TENM2: variants seen among roughly 807,000 people sequenced by gnomAD.
The protein encoded by TENM2 is teneurin-2.
Under a neutral mutation model 245.2 loss-of-function variants are expected in TENM2, and 52 were observed. The observed-to-expected ratio is 0.21, with a 90% CI of 0.17 to 0.27. The LOEUF (loss-of-function observed/expected upper bound fraction) is 0.27. Ranked by LOEUF, TENM2 falls within the 10% of genes least tolerant of loss-of-function variation. The pLI is 1.00. For missense variants in TENM2, 3,046 were observed against 3,666.8 expected (o/e 0.83, Z 4.37); for synonymous variants, 1,363 against 1,438.9 (o/e 0.95, Z 1.19).
chr5:167,239,793 A>G, the TENM2 span, among the ~76,000 whole-genome samples: 2 of 152,200 alleles, frequency 1.3e-5, no homozygotes, highest in Non-Finnish European at 2.9e-5. Flanking sequence ...TTATTTTGAG[A>G]TGGAGTTTTG....
chr5:167,649,778 C>T (rs1754321259), intron 2 of TENM2, among the ~76,000 whole-genome samples: 2 of 152,112 alleles, frequency 1.3e-5, no homozygotes, highest in Admixed American at 6.6e-5. Flanking sequence ...TATATTTGAT[C>T]CTCTTATATG....
chr5:167,321,876 TCAGATCTCGGTTG>T lies in TENM2; in HGVS notation c.226+36824_226+36836del, dbSNP rs1377983773. Among the ~76,000 whole-genome samples the T allele has an allele frequency of 2.5e-4, 33 of 132,892 alleles. 2 individuals are homozygous for T. The East Asian group carries it at 8.2e-3, about 33-fold the overall frequency. The allele number at this position is 132,892 out of a possible 152,430, so 87.2% of individuals were successfully genotyped here. A position where few individuals can be genotyped will look rare whatever the true frequency, so the allele number is the denominator to read the frequency against. On this transcript the variant is annotated intron_variant, in intron 1 of 28. Coordinates refer to ENST00000518659, the Ensembl canonical transcript of TENM2. Reference sequence around the variant, plus strand: ...CAGACTGGAGTTACAGTGGTGTAACTCAGATCTCGGTTGCAGATCTCGGCTCACTGCAACCTCT... The same window carrying T: ...CAGACTGGAGTTACAGTGGTGTAACTCAGATCTCGGCTCACTGCAACCTCT...
chr5:167,740,766 T>C (rs976619855), intron 2 of TENM2, among the ~76,000 whole-genome samples: 3 of 152,190 alleles, frequency 2.0e-5, no homozygotes, highest in African/African-American at 7.2e-5. Context: ...AGACTGATGA[T>C]CAGGACAATC....
At chr5:167,783,137 G>A (rs1041463312) in intron 2 of TENM2, among the ~76,000 whole-genome samples, 3 of 151,100 alleles carry the variant, frequency 2.0e-5, no homozygotes, top group African/African-American at 4.9e-5. Context: ...TCTCACTGTG[G>A]AAGATGAAAC....
At chr5:168,047,441 G>A (rs1383476522) in exon 6 of TENM2, 15 of 1,551,586 alleles carry the variant, frequency 9.7e-6, no homozygotes, top group Admixed American at 5.9e-5. Context: ...GCATCTGCTC[G>A]GACTCAATTG....
intron 12 of TENM2, among the ~76,000 whole-genome samples, chr5:168,159,455 C>T (rs1375934317): frequency 6.6e-6 from 1 of 152,208 alleles, no homozygotes; most frequent in Non-Finnish European, 1.5e-5. Context: ...TTATAGCATC[C>T]TCTCCAGAGA....
At chr5:167,566,462 CA>C (rs1358754605) in intron 2 of TENM2, among the ~76,000 whole-genome samples, 1 of 152,116 alleles carries the variant, frequency 6.6e-6, no homozygotes, top group Non-Finnish European at 1.5e-5. Context: ...TTACAAATAG[CA>C]ACCAGATTAT....
At chr5:167,095,444 C>T in the TENM2 span, among the ~76,000 whole-genome samples, 2 of 152,016 alleles carry the variant, frequency 1.3e-5, no homozygotes, top group Non-Finnish European at 2.9e-5. Flanking sequence ...GAGGTGACAA[C>T]GGAAATGTAG....
At chr5:167,672,999 C>G (rs1756065214) in intron 2 of TENM2, among the ~76,000 whole-genome samples, 1 of 151,692 alleles carries the variant, frequency 6.6e-6, no homozygotes, top group South Asian at 2.1e-4. Flanking sequence ...CCAGCCCAAC[C>G]TACCCTCCAA....
chr5:168,236,979 TATATATATATATATATATA>T (rs1765546377), intron 25 of TENM2, among the ~76,000 whole-genome samples: 1 of 5,864 alleles, frequency 1.7e-4, no homozygotes. Flanking sequence ...TATATATATA[TATATATATATATATATATA>T]TATTTTTTTT....
At chr5:167,107,091 C>CAAAAAAAAAA in the TENM2 span, among the ~76,000 whole-genome samples, 7 of 68,840 alleles carry the variant, frequency 1.0e-4, no homozygotes, top group Non-Finnish European at 1.9e-4. Flanking sequence ...CTAAAAAATA[C>CAAAAAAAAAA]AAAAAAAAAA....
chr5:168,262,669 C>A (rs369019527), exon 29 of TENM2: 1 of 1,608,256 alleles, frequency 6.2e-7, no homozygotes, highest in Non-Finnish European at 8.5e-7. Flanking sequence ...GGACTGAGGG[C>A]GAGAAGCAGC....
the TENM2 span, among the ~76,000 whole-genome samples, chr5:167,164,739 G>T: frequency 6.6e-6 from 1 of 152,092 alleles, no homozygotes; most frequent in African/African-American, 2.4e-5. Context: ...GATGCTAATG[G>T]ATTATGTTCA....
intron 3 of TENM2, among the ~76,000 whole-genome samples, chr5:167,877,529 C>T (rs1232950169): frequency 6.6e-6 from 1 of 152,180 alleles, no homozygotes; most frequent in Non-Finnish European, 1.5e-5. Context: ...GTGATTATGG[C>T]ACTCTTAAAA....
chr5:167,616,160 A>G (rs946486528), intron 2 of TENM2, among the ~76,000 whole-genome samples: 2 of 152,114 alleles, frequency 1.3e-5, no homozygotes, highest in African/African-American at 4.8e-5. Context: ...AGGGTTCCAT[A>G]ATCACACCCT....
chr5:167,525,071 TCTGTGTTGATCTTCCCAAA>T (rs1340344299), intron 2 of TENM2, among the ~76,000 whole-genome samples: 1 of 152,056 alleles, frequency 6.6e-6, no homozygotes, highest in African/African-American at 2.4e-5. Context: ...ATGAGCAGTT[TCTGTGTTGATCTTCCCAAA>T]CTGTGTTGGC....
chr5:168,070,825 A>G (rs1481038500), intron 7 of TENM2, among the ~76,000 whole-genome samples: 15 of 134,672 alleles, frequency 1.1e-4, no homozygotes, highest in African/African-American at 4.2e-4. Flanking sequence ...GAGAGAAAAA[A>G]AGAAAGAAGA....
chr5:167,853,460 T>C (rs1262292869), intron 2 of TENM2, among the ~76,000 whole-genome samples: 2 of 151,970 alleles, frequency 1.3e-5, no homozygotes, highest in African/African-American at 4.8e-5. Context: ...CGTGGGAGCT[T>C]ACAGGGGTGA....
chr5:167,818,821 G>A (rs1056330438), intron 2 of TENM2, among the ~76,000 whole-genome samples: 8 of 152,102 alleles, frequency 5.3e-5, no homozygotes, highest in Non-Finnish European at 8.8e-5. Context: ...AAATTACAAC[G>A]CGGGTTGAAT....
Sources: allele counts gnomAD v4.1 joint callset (sites outside exome capture counted in the v4.1 genomes callset), GRCh38; gene constraint gnomAD v4.1.1; transcripts MANE v1.5; gene names NCBI Gene and HGNC (gene_info 2026-07-23, HGNC 2026-07-21).